RBMS3: variants seen among roughly 807,000 people sequenced by gnomAD.
The protein encoded by RBMS3 is RNA-binding motif, single-stranded-interacting protein 3.
A neutral mutation model predicts 66.8 loss-of-function variants in RBMS3; 27 were observed. The observed-to-expected ratio is 0.40, with a 90% CI of 0.30 to 0.56. RBMS3 has a LOEUF of 0.56. Ranked by LOEUF, RBMS3 falls within the 20% of genes least tolerant of loss-of-function variation. The pLI is 0.40. For synonymous variants in RBMS3, 188 were observed against 183.0 expected (o/e 1.03, Z -0.22); for missense variants, 513 against 549.5 (o/e 0.93, Z 0.66).
intron 1 of RBMS3, among the ~76,000 whole-genome samples, chr3:29,369,528 A>ACACG (rs1269021450): frequency 7.5e-6 from 1 of 132,542 alleles, no homozygotes; most frequent in African/African-American, 3.2e-5. Flanking sequence ...ACACACACAC[A>ACACG]CACACTTTGA....
At chr3:29,534,045 G>T (rs774796666) in intron 3 of RBMS3, among the ~76,000 whole-genome samples, 7 of 152,182 alleles carry the variant, frequency 4.6e-5, no homozygotes, top group African/African-American at 7.2e-5. Flanking sequence ...CTCAAATTAA[G>T]AAAGGTGACC....
chr3:29,839,155 A>G (rs894469007), intron 6 of RBMS3, among the ~76,000 whole-genome samples: 2 of 152,158 alleles, frequency 1.3e-5, no homozygotes, highest in Admixed American at 6.6e-5. Context: ...GTGACAGCCA[A>G]TAATTATTTT....
intron 6 of RBMS3, among the ~76,000 whole-genome samples, chr3:29,786,406 A>C (rs2056820571): frequency 7.2e-5 from 11 of 152,174 alleles, no homozygotes; most frequent in Admixed American, 7.2e-4. Flanking sequence ...AAACAAAAAG[A>C]ACAAATCTGG....
intron 6 of RBMS3, among the ~76,000 whole-genome samples, chr3:29,822,799 T>C (rs2058106488): frequency 6.6e-6 from 1 of 152,178 alleles, no homozygotes; most frequent in South Asian, 2.1e-4. Context: ...TGTCTACCTA[T>C]GATGGTGTCA....
At chr3:29,709,131 C>T (rs2053042082) in intron 4 of RBMS3, among the ~76,000 whole-genome samples, 1 of 152,136 alleles carries the variant, frequency 6.6e-6, no homozygotes, top group South Asian at 2.1e-4. Flanking sequence ...AGGCAATGAC[C>T]CCAAAACCTC....
intron 12 of RBMS3, among the ~76,000 whole-genome samples, chr3:29,962,938 G>T (rs2149740495): frequency 6.6e-6 from 1 of 151,490 alleles, no homozygotes; most frequent in East Asian, 1.9e-4. Flanking sequence ...ACTGGAAATA[G>T]ATTTTATTGT....
intron 1 of RBMS3, among the ~76,000 whole-genome samples, chr3:29,348,220 T>C (rs2036693709): frequency 6.6e-6 from 1 of 152,204 alleles, no homozygotes; most frequent in South Asian, 2.1e-4. Flanking sequence ...TCAGTATTCT[T>C]GTTTTCGTCT....
chr3:29,431,947 C>G (rs62236872), intron 1 of RBMS3, among the ~76,000 whole-genome samples: 1 of 151,928 alleles, frequency 6.6e-6, no homozygotes, highest in Non-Finnish European at 1.5e-5. Flanking sequence ...AGACTGGTCT[C>G]GAGCTCCTGG....
intron 4 of RBMS3, among the ~76,000 whole-genome samples, chr3:29,618,836 T>C (rs1240378989): frequency 6.6e-6 from 1 of 152,172 alleles, no homozygotes; most frequent in African/African-American, 2.4e-5. Context: ...CTGCTTTAAT[T>C]TGCTTCTCTT....
At chr3:29,528,108 A>ATT (rs66534941) in intron 3 of RBMS3, among the ~76,000 whole-genome samples, 40 of 108,148 alleles carry the variant, frequency 3.7e-4, no homozygotes, top group Admixed American at 1.5e-3. Context: ...TGCAAGCAAG[A>ATT]TTTTTTTTTT....
chr3:29,747,917 C>T (rs1260918707), intron 5 of RBMS3, among the ~76,000 whole-genome samples: 1 of 149,322 alleles, frequency 6.7e-6, no homozygotes, highest in Non-Finnish European at 1.5e-5. Context: ...TGATGTTTCA[C>T]CAGGGACCCT....
At chr3:29,958,888 G>A (rs1016317200) in intron 12 of RBMS3, among the ~76,000 whole-genome samples, 2 of 152,172 alleles carry the variant, frequency 1.3e-5, no homozygotes, top group African/African-American at 2.4e-5. Context: ...AGGCAGTACA[G>A]CTGATGCATT....
At chr3:29,512,852 A>T (rs2044469226) in intron 3 of RBMS3, among the ~76,000 whole-genome samples, 1 of 152,170 alleles carries the variant, frequency 6.6e-6, no homozygotes, top group Non-Finnish European at 1.5e-5. Context: ...CCAACAATCT[A>T]TCCTTTCTTT....
intron 12 of RBMS3, among the ~76,000 whole-genome samples, chr3:29,982,813 G>A (rs1405898776): frequency 1.3e-5 from 2 of 151,942 alleles, no homozygotes; most frequent in African/African-American, 4.8e-5. Context: ...TGCATTTGCT[G>A]AGGAGTGTTC....
chr3:29,970,968 C>T (rs1042821979), intron 12 of RBMS3, among the ~76,000 whole-genome samples: 3 of 152,150 alleles, frequency 2.0e-5, no homozygotes, highest in East Asian at 1.9e-4. Flanking sequence ...CTCTCTCCTC[C>T]GTCTTCCCGC....
At chr3:29,447,484 T>G (rs2041872884) in intron 2 of RBMS3, among the ~76,000 whole-genome samples, 1 of 152,182 alleles carries the variant, frequency 6.6e-6, no homozygotes, top group Admixed American at 6.5e-5. Context: ...CTATCAATTT[T>G]TAGCTGTGTC....
At chr3:29,754,455 G>GAA (rs1227726309) in intron 5 of RBMS3, among the ~76,000 whole-genome samples, 1 of 152,158 alleles carries the variant, frequency 6.6e-6, no homozygotes, top group East Asian at 1.9e-4. Flanking sequence ...GTTCAACCAA[G>GAA]AATGGAGCAT....
chr3:29,716,742 C>T (rs1268845969), intron 4 of RBMS3, among the ~76,000 whole-genome samples: 1 of 152,150 alleles, frequency 6.6e-6, no homozygotes, highest in Non-Finnish European at 1.5e-5. Context: ...AAGGCATCTA[C>T]ATATTCCTTT....
chr3:29,452,656 C>T (rs9882137), intron 2 of RBMS3, among the ~76,000 whole-genome samples: 13,814 of 152,154 alleles, frequency 0.091, 1,467 homozygotes, highest in African/African-American at 0.26. Flanking sequence ...CCACAGGAAT[C>T]AGTTATTATT....
Sources: allele counts gnomAD v4.1 joint callset (sites outside exome capture counted in the v4.1 genomes callset), GRCh38; gene constraint gnomAD v4.1.1; transcripts MANE v1.5; gene names NCBI Gene and HGNC (gene_info 2026-07-23, HGNC 2026-07-21).